The following TPTE2 variants were observed in gnomAD, a reference collection of about 807,000 sequenced individuals.
TPTE2 encodes the protein phosphatidylinositol 3,4,5-trisphosphate 3-phosphatase TPTE2.
A neutral mutation model predicts 78.6 loss-of-function variants in TPTE2; 53 were observed. That is an observed-to-expected ratio of 0.67 (90% CI 0.54 to 0.85). TPTE2 has a LOEUF of 0.85. TPTE2 is among the 40% of genes least tolerant of loss of function. The pLI is 0.00. For missense variants in TPTE2, 461 were observed against 623.0 expected (o/e 0.74, Z 2.77); for synonymous variants, 175 against 206.2 (o/e 0.85, Z 1.30).
intron 10 of TPTE2, among the ~76,000 whole-genome samples, chr13:19,461,147 C>T (rs1000529701): frequency 6.6e-6 from 1 of 152,030 alleles, no homozygotes; most frequent in African/African-American, 2.4e-5. Flanking sequence ...TGTTGCCGCT[C>T]CTGGGACTCT....
chr13:19,457,430 T>C (rs868533346), intron 10 of TPTE2, among the ~76,000 whole-genome samples: 17 of 152,252 alleles, frequency 1.1e-4, no homozygotes, highest in African/African-American at 3.9e-4. Flanking sequence ...CACAGTTAAA[T>C]GTGTGCCATG....
intron 17 of TPTE2, among the ~76,000 whole-genome samples, chr13:19,427,405 T>C (rs535436110): frequency 6.6e-6 from 1 of 152,204 alleles, no homozygotes; most frequent in East Asian, 1.9e-4. Flanking sequence ...TCAAAAGTGC[T>C]GCACTTTTAA....
chr13:19,519,959 T>G (rs1221547540), intron 1 of TPTE2, among the ~76,000 whole-genome samples: 2 of 151,984 alleles, frequency 1.3e-5, no homozygotes, highest in Non-Finnish European at 2.9e-5. Flanking sequence ...AATAATGTTT[T>G]GTAGTCTTAC....
In TPTE2 at chr13:19,498,857, T is replaced by C. The variant is rs930960121; in HGVS notation, c.11+4367A>G. Among the ~76,000 whole-genome samples, 346 of 151,862 alleles carry C rather than the reference T, an allele frequency of 2.3e-3. 2 individuals are homozygous for C. Among genetic ancestry groups the C allele is most frequent in the Middle Eastern group, 3.4e-3 (1 of 294 alleles). On this transcript the variant is annotated intron_variant, in intron 1 of 19. Transcript: ENST00000400230. ...CAATCAAAAGACACAGACTGGCAAA[T>C]TGGATAAAGAGTCAAGACCCATCAG...
intron 1 of TPTE2, among the ~76,000 whole-genome samples, chr13:19,516,831 G>A (rs144803485): frequency 2.6e-5 from 4 of 152,132 alleles, no homozygotes; most frequent in Non-Finnish European, 4.4e-5. Flanking sequence ...GACATTAACA[G>A]GCATAGAATG....
chr13:19,490,577 G>A (rs1193429171), intron 3 of TPTE2, among the ~76,000 whole-genome samples: 1 of 152,130 alleles, frequency 6.6e-6, no homozygotes, highest in Non-Finnish European at 1.5e-5. Flanking sequence ...ATCAACTTCA[G>A]TTTGTAAATA....
At chr13:19,482,424 C>G in intron 4 of TPTE2, 64 bp downstream of exon 7, 2 of 1,573,690 alleles carry the variant, frequency 1.3e-6, no homozygotes, top group South Asian at 1.2e-5. Context: ...AGCGGAAGCC[C>G]TGTTTCACTA....
chr13:19,512,830 G>C (rs1244030155), intron 1 of TPTE2, among the ~76,000 whole-genome samples: 1 of 152,106 alleles, frequency 6.6e-6, no homozygotes, highest in Non-Finnish European at 1.5e-5. Flanking sequence ...ACCTGCCTCA[G>C]CCTCCCAAAG....
In TPTE2 at chr13:19,522,619, CTTT is replaced by C. The variant is rs57248346; in HGVS notation, c.-44+13974_-44+13976del. Among the ~76,000 whole-genome samples the C allele has an allele frequency of 5.7e-3, 699 of 121,678 alleles. 9 individuals are homozygous for C. The highest frequency in any genetic ancestry group is 0.021 in the African/African-American group (674 of 31,578). The allele number at this position is 121,678 out of a possible 152,430, so 79.8% of individuals were successfully genotyped here. A position where few individuals can be genotyped will look rare whatever the true frequency, so the allele number is the denominator to read the frequency against. ...CTTTTGTTTTCCTTACTTTTTTTTT[CTTT>C]TTTTTTTTTTTTTTCTTTTAGATGG... On this transcript the variant is annotated intron_variant, in intron 1 of 17. Transcript: ENST00000390680.
chr13:19,514,142 G>A (rs1869637256), intron 1 of TPTE2, among the ~76,000 whole-genome samples: 1 of 152,106 alleles, frequency 6.6e-6, no homozygotes, highest in Non-Finnish European at 1.5e-5. Context: ...GACCACTCTT[G>A]AGAGAGTATC....
intron 15 of TPTE2, among the ~76,000 whole-genome samples, chr13:19,434,966 T>C (rs1352401905): frequency 9.2e-5 from 14 of 152,346 alleles, no homozygotes; most frequent in East Asian, 1.9e-4. Context: ...TGCCTACTCA[T>C]AGAGTTACTG....
intron 2 of TPTE2, 134 bp downstream of exon 5, chr13:19,493,314 A>AGC: frequency 1.8e-6 from 1 of 548,404 alleles, no homozygotes; most frequent in Admixed American, 3.5e-5. Flanking sequence ...GTTGAAGAGA[A>AGC]GTGTGGATGG....
At chr13:19,519,583 A>T (rs971630885) in intron 1 of TPTE2, among the ~76,000 whole-genome samples, 1 of 152,132 alleles carries the variant, frequency 6.6e-6, no homozygotes, top group Non-Finnish European at 1.5e-5. Flanking sequence ...AAATCAATTG[A>T]CCTTAAATGT....
chr13:19,481,076 G>T (rs1880321239), intron 4 of TPTE2, among the ~76,000 whole-genome samples: 1 of 152,160 alleles, frequency 6.6e-6, no homozygotes, highest in South Asian at 2.1e-4. Context: ...TAAGTAATAA[G>T]GTTATTTACA....
At chr13:19,508,372 C>T (rs967169046) in intron 1 of TPTE2, among the ~76,000 whole-genome samples, 4 of 152,098 alleles carry the variant, frequency 2.6e-5, no homozygotes, top group African/African-American at 4.8e-5. Context: ...AGCAAAACTA[C>T]TGGAACACAC....
intron 1 of TPTE2, among the ~76,000 whole-genome samples, chr13:19,519,999 T>A (rs959096172): frequency 6.6e-6 from 1 of 152,134 alleles, no homozygotes; most frequent in Admixed American, 6.6e-5. Flanking sequence ...TATTTTTTAA[T>A]GCTATTGTAA....
chr13:19,491,574 C>G (rs1359423454), intron 3 of TPTE2, among the ~76,000 whole-genome samples: 1 of 151,992 alleles, frequency 6.6e-6, no homozygotes, highest in African/African-American at 2.4e-5. Context: ...GACTGTAAAC[C>G]CAGCAGTTTG....
chr13:19,528,248 G>A (rs112424500), intron 1 of TPTE2, among the ~76,000 whole-genome samples: 6 of 151,856 alleles, frequency 4.0e-5, no homozygotes, highest in African/African-American at 7.3e-5. Context: ...TTAGCTGGGC[G>A]TGGTGACAGA....
At chr13:19,493,351 G>GGATA in intron 2 of TPTE2, 97 bp downstream of exon 5, 1 of 1,003,276 alleles carries the variant, frequency 1.0e-6, no homozygotes, top group Non-Finnish European at 1.5e-6. Context: ...ATGGATGGAT[G>GGATA]GATGGATGGA....
Sources: allele counts gnomAD v4.1 joint callset (sites outside exome capture counted in the v4.1 genomes callset), GRCh38; gene constraint gnomAD v4.1.1; transcripts MANE v1.5; gene names NCBI Gene and HGNC (gene_info 2026-07-23, HGNC 2026-07-21).